CFAP77: variants seen among roughly 807,000 people sequenced by gnomAD.
The protein encoded by CFAP77 is cilia and flagella associated protein 77, also known as cilia- and flagella-associated protein 77.
Under a neutral mutation model 31.1 loss-of-function variants are expected in CFAP77, and 25 were observed. The ratio of observed to expected loss-of-function variants is 0.80; its 90% CI spans 0.59 to 1.12. CFAP77 has a LOEUF of 1.12. CFAP77 is among the 50% of genes most tolerant of loss of function. The pLI is 0.00. For synonymous variants in CFAP77, 151 were observed against 159.9 expected (o/e 0.94, Z 0.42); for missense variants, 377 against 397.3 (o/e 0.95, Z 0.44).
At chr9:132,428,087 C>A (rs1850346888) in intron 1 of CFAP77, among the ~76,000 whole-genome samples, 1 of 151,866 alleles carries the variant, frequency 6.6e-6, no homozygotes, top group Non-Finnish European at 1.5e-5. Context: ...CAGCCTTGAC[C>A]TCCTGGCTCA....
At chr9:132,415,583 C>G (rs926348001) in intron 1 of CFAP77, among the ~76,000 whole-genome samples, 1 of 152,236 alleles carries the variant, frequency 6.6e-6, no homozygotes, top group African/African-American at 2.4e-5. Flanking sequence ...ACGTGGCTCT[C>G]AGAACACTGC....
intron 1 of CFAP77, among the ~76,000 whole-genome samples, chr9:132,438,541 A>ATATATATATATATATATATATATATAT: frequency 6.5e-5 from 7 of 108,130 alleles, no homozygotes; most frequent in African/African-American, 1.2e-4. Flanking sequence ...ATATATATAT[A>ATATATATATATATATATATATATATAT]TTTTTTTTTT....
intron 1 of CFAP77, among the ~76,000 whole-genome samples, chr9:132,438,700 T>C (rs1162510606): frequency 1.3e-5 from 2 of 150,524 alleles, no homozygotes; most frequent in Non-Finnish European, 3.0e-5. Flanking sequence ...CATGCCTGGC[T>C]AATTTTGTAT....
chr9:132,560,386 C>T (rs1852975304), intron 5 of CFAP77, among the ~76,000 whole-genome samples: 1 of 152,134 alleles, frequency 6.6e-6, no homozygotes, highest in African/African-American at 2.4e-5. Flanking sequence ...AGGAGCTGAC[C>T]TGAGGTTTAT....
At chr9:132,422,110 G>A (rs1291400536) in intron 1 of CFAP77, among the ~76,000 whole-genome samples, 1 of 152,098 alleles carries the variant, frequency 6.6e-6, no homozygotes, top group Non-Finnish European at 1.5e-5. Flanking sequence ...CCAGGTTCAA[G>A]TGATTCTCCT....
At chr9:132,514,603 G>A (rs1438422887) in intron 3 of CFAP77, among the ~76,000 whole-genome samples, 3 of 152,110 alleles carry the variant, frequency 2.0e-5, no homozygotes, top group Non-Finnish European at 4.4e-5. Flanking sequence ...CTTGCCGCCT[G>A]CTGCCTGCAC....
At chr9:132,513,362 G>A (rs1360010818) in intron 3 of CFAP77, 1 of 1,536,908 alleles carries the variant, frequency 6.5e-7, no homozygotes, top group Non-Finnish European at 8.8e-7. Flanking sequence ...TTTCGCTTCT[G>A]ATCCTTTCCT....
chr9:132,477,039 C>A (rs780806436), intron 1 of CFAP77, among the ~76,000 whole-genome samples: 5 of 152,194 alleles, frequency 3.3e-5, no homozygotes, highest in Non-Finnish European at 7.3e-5. Flanking sequence ...GGTCTTGGGG[C>A]TGCCGGAGCT....
Position 132,539,136 on chromosome 9 carries a change from T to G in CFAP77, c.630+1430T>G, listed in dbSNP as rs1411651949. On this transcript the variant is annotated intron_variant, in intron 4 of 5. Coordinates refer to ENST00000393216, the MANE Select transcript of CFAP77 (RefSeq NM_001282957.2). The surrounding 1 kb of genome is among the most constrained non-coding windows in gnomAD (Gnocchi z 4.3). ...TAAATAAATAAAATAGTACTTCCTTTAAAATATTCTGAAACTCGAGCTTTC... is the reference window on the plus strand; with the variant it reads ...TAAATAAATAAAATAGTACTTCCTTGAAAATATTCTGAAACTCGAGCTTTC... Among the ~76,000 whole-genome samples, 1 of 152,098 alleles carries G rather than the reference T, an allele frequency of 6.6e-6. No individual in the cohort carries two copies. The highest frequency in any genetic ancestry group is 2.4e-5 in the African/African-American group (1 of 41,428).
chr9:132,450,537 C>A (rs1157147704), intron 1 of CFAP77, among the ~76,000 whole-genome samples: 2 of 152,194 alleles, frequency 1.3e-5, no homozygotes, highest in African/African-American at 4.8e-5. Context: ...CTCCTATTAT[C>A]CCTTTTCACG....
chr9:132,447,785 T>C (rs565787185), intron 1 of CFAP77, among the ~76,000 whole-genome samples: 2 of 152,344 alleles, frequency 1.3e-5, no homozygotes, highest in African/African-American at 4.8e-5. Context: ...AAAATTGGGC[T>C]GATTAAAGAA....
intron 1 of CFAP77, among the ~76,000 whole-genome samples, chr9:132,420,885 C>T (rs1314501347): frequency 6.6e-6 from 1 of 151,928 alleles, no homozygotes; most frequent in East Asian, 1.9e-4. Context: ...CAAAGTGGTA[C>T]AGACGTGGCC....
chr9:132,413,037 A>T (rs150171849), intron 1 of CFAP77, among the ~76,000 whole-genome samples: 5 of 152,284 alleles, frequency 3.3e-5, no homozygotes, highest in Non-Finnish European at 7.3e-5. Context: ...GTTTTGTCTA[A>T]GTCTGAACCT....
At chr9:132,466,344 C>T (rs1439442152) in intron 1 of CFAP77, among the ~76,000 whole-genome samples, 1 of 152,138 alleles carries the variant, frequency 6.6e-6, no homozygotes, top group East Asian at 1.9e-4. Flanking sequence ...TTAGACAACG[C>T]TTTGATTGAC....
Position 132,482,430 on chromosome 9 carries a change from T to C in CFAP77, c.196-16265T>C, listed in dbSNP as rs1015328324. 1.3e-5 allele frequency: 20 copies of C among 1,599,938 alleles called. 1 individual carries two copies. Among genetic ancestry groups the C allele is most frequent in the Non-Finnish European group, 1.6e-5 (19 of 1,167,300 alleles). The stretch of plus-strand genomic sequence containing the variant: ...AGGAGGCCCACAGGTGTTTCTTCCT[T>C]CTGCTAAAATAATGTCACCCTGGAG... On this transcript the variant is annotated intron_variant, in intron 1 of 5. Transcript: ENST00000393216.
At chr9:132,557,796 T>C (rs1015194800) in intron 5 of CFAP77, among the ~76,000 whole-genome samples, 10 of 152,144 alleles carry the variant, frequency 6.6e-5, no homozygotes, top group African/African-American at 2.4e-4. Flanking sequence ...ATCCTCCCCT[T>C]GCTCCAACCT....
chr9:132,510,095 A>C (rs928976440), intron 3 of CFAP77, among the ~76,000 whole-genome samples: 1 of 152,058 alleles, frequency 6.6e-6, no homozygotes, highest in Admixed American at 6.5e-5. Flanking sequence ...TCAGGGAGGC[A>C]CTGATGGGCC....
chr9:132,543,581 G>A (rs1252653589), intron 5 of CFAP77, among the ~76,000 whole-genome samples: 3 of 152,234 alleles, frequency 2.0e-5, no homozygotes, highest in Non-Finnish European at 4.4e-5. Flanking sequence ...TCCAGGGAAG[G>A]GGTAGTTGAT....
intron 3 of CFAP77, among the ~76,000 whole-genome samples, chr9:132,519,364 T>A (rs1340763526): frequency 3.2e-4 from 21 of 64,998 alleles, no homozygotes; most frequent in African/African-American, 6.7e-4. Context: ...GGGTGGATGG[T>A]TGGGTGGATG....
Sources: allele counts gnomAD v4.1 joint callset (sites outside exome capture counted in the v4.1 genomes callset), GRCh38; gene constraint gnomAD v4.1.1; non-coding constraint Gnocchi (gnomAD v3.1); transcripts MANE v1.5; gene names NCBI Gene and HGNC (gene_info 2026-07-23, HGNC 2026-07-21).